KIAA0825: variants seen among roughly 807,000 people sequenced by gnomAD.
KIAA0825 encodes the protein uncharacterized protein KIAA0825.
A neutral mutation model predicts 147.6 loss-of-function variants in KIAA0825; 119 were observed. That is an observed-to-expected ratio of 0.81 (90% confidence interval 0.69 to 0.94). The LOEUF (loss-of-function observed/expected upper bound fraction) is 0.94, where lower values mean the gene tolerates loss of function less well. KIAA0825 is among the 40% of genes least tolerant of loss of function. The pLI is 0.00. For missense variants in KIAA0825, 1,381 were observed against 1,472.7 expected, an observed-to-expected ratio of 0.94 and a Z score of 1.02; for synonymous variants, 470 against 518.1, an observed-to-expected ratio of 0.91 and a Z score of 1.26.
chr5:94,422,197 C>T (rs1481187663), intron 14 of KIAA0825, among the ~76,000 whole-genome samples: 2 of 152,154 alleles, frequency 1.3e-5, no homozygotes, highest in Non-Finnish European at 2.9e-5. Flanking sequence ...TGAAGCAGGC[C>T]TTCACGGAAT....
intron 2 of KIAA0825, among the ~76,000 whole-genome samples, chr5:94,544,410 C>G (rs1476171108): frequency 6.6e-6 from 1 of 152,222 alleles, no homozygotes; most frequent in Non-Finnish European, 1.5e-5. Context: ...GATGACTACC[C>G]TGTAGCCTAC....
At chr5:94,274,005 C>G (rs1777105186) in intron 20 of KIAA0825, among the ~76,000 whole-genome samples, 1 of 151,900 alleles carries the variant, frequency 6.6e-6, no homozygotes, top group African/African-American at 2.4e-5. Context: ...AAAATATGTG[C>G]CAGAAAGAAC....
In KIAA0825 at chr5:94,394,611, C is replaced by A. The variant is rs1028803628; in HGVS notation, c.3296+1490G>T. 9.2e-5 allele frequency among the ~76,000 whole-genome samples: 14 copies of A among 152,046 alleles called. No individual in the cohort carries two copies. In the East Asian group the frequency reaches 2.5e-3, roughly 27 times the overall value. ...TTACCTAGACATTGCTTTAAATGGA[C>A]CTTATTTGATATAGGGGCTACTAAA... On this transcript the variant is annotated intron_variant, in intron 17 of 20. Transcript: ENST00000682413.
chr5:94,184,264 G>A (rs1183670568), intron 20 of KIAA0825, among the ~76,000 whole-genome samples: 2 of 152,092 alleles, frequency 1.3e-5, no homozygotes, highest in African/African-American at 2.4e-5. Context: ...ACTATCAGGT[G>A]CTATATTTTC....
intron 12 of KIAA0825, among the ~76,000 whole-genome samples, chr5:94,454,314 A>C (rs761963519): frequency 9.2e-5 from 14 of 152,150 alleles, no homozygotes; most frequent in Non-Finnish European, 2.1e-4. Flanking sequence ...TCCAGAACAG[A>C]TTTCCATTTT....
intron 6 of KIAA0825, among the ~76,000 whole-genome samples, chr5:94,479,606 T>TA (rs1452029197): frequency 6.6e-6 from 1 of 152,122 alleles, no homozygotes. Flanking sequence ...CTCATTTGGA[T>TA]AAATACCTAC....
At chr5:94,572,823 T>C (rs997179302) in intron 2 of KIAA0825, among the ~76,000 whole-genome samples, 3 of 152,150 alleles carry the variant, frequency 2.0e-5, no homozygotes, top group Admixed American at 6.5e-5. Context: ...TTGATTTTTG[T>C]TTGATATGAT....
Position 94,555,733 on chromosome 5 carries a change from C to T in KIAA0825, c.-1-18606G>A, listed in dbSNP as rs143412509. 5.8e-4 allele frequency among the ~76,000 whole-genome samples: 88 copies of T among 152,122 alleles called. 3 individuals are homozygous for T. In the East Asian group the frequency reaches 0.015, roughly 26 times the overall value. ...ACTTTATAATTTTCAATATGCAATCCTAGCCATCTCTTGCTTTAATGGAAG... is the reference window on the plus strand; with the variant it reads ...ACTTTATAATTTTCAATATGCAATCTTAGCCATCTCTTGCTTTAATGGAAG... On this transcript the variant is annotated intron_variant, in intron 2 of 20. Coordinates refer to ENST00000682413, the MANE Select transcript of KIAA0825 (RefSeq NM_001145678.3).
intron 12 of KIAA0825, among the ~76,000 whole-genome samples, chr5:94,455,195 C>T (rs557848861): frequency 4.2e-4 from 64 of 151,612 alleles, no homozygotes; most frequent in Admixed American, 3.7e-3. Context: ...CCCAACCCCC[C>T]GCCAAAAAAA....
intron 20 of KIAA0825, among the ~76,000 whole-genome samples, chr5:94,180,304 T>C (rs901829683): frequency 2.0e-5 from 3 of 152,028 alleles, no homozygotes; most frequent in Admixed American, 6.6e-5. Context: ...AGGCACATTC[T>C]ACAAAATAAT....
At chr5:94,255,108 A>G (rs1267966060) in intron 20 of KIAA0825, among the ~76,000 whole-genome samples, 2 of 151,088 alleles carry the variant, frequency 1.3e-5, no homozygotes, top group Non-Finnish European at 2.9e-5. Flanking sequence ...CATGTCTTAT[A>G]TCTCTTTGAA....
chr5:94,513,199 T>C (rs1766751853), intron 5 of KIAA0825, among the ~76,000 whole-genome samples: 4 of 152,154 alleles, frequency 2.6e-5, no homozygotes, highest in Non-Finnish European at 5.9e-5. Context: ...TATTTTTAAA[T>C]AGATAATTTA....
At chr5:94,237,353 T>C (rs567318157) in intron 20 of KIAA0825, among the ~76,000 whole-genome samples, 1 of 152,226 alleles carries the variant, frequency 6.6e-6, no homozygotes, top group East Asian at 1.9e-4. Flanking sequence ...GTAGATGTCA[T>C]CTACATCATC....
chr5:94,305,490 C>T (rs1214993404), intron 20 of KIAA0825, among the ~76,000 whole-genome samples: 2 of 151,908 alleles, frequency 1.3e-5, no homozygotes, highest in South Asian at 2.1e-4. Flanking sequence ...TAGGGTTTCA[C>T]GATGTAAAAT....
intron 5 of KIAA0825, among the ~76,000 whole-genome samples, chr5:94,488,059 G>A (rs1763269755): frequency 6.6e-6 from 1 of 152,194 alleles, no homozygotes; most frequent in Non-Finnish European, 1.5e-5. Context: ...GAGTAGCTGG[G>A]ATTACAGGCA....
rs1772172569 is a variant in KIAA0825 at position 94,537,037 on chromosome 5, G to A, written c.90C>T (p.Ile30=). The stretch of plus-strand genomic sequence containing the variant: ...CAATCTTTTCATCAATGTCACTGAA[G>A]ATCTGCTCAAACTCCAAGTCTCCAG... The part of the protein sequence containing the change: ...SFPGDLEFEQ[I]FSDIDEKIEQ... Residue 30 remains isoleucine (I), a synonymous_variant, in exon 3 of 21, where the codon ATC becomes ATT. Transcript: ENST00000682413. The A allele has an allele frequency of 6.2e-7, 1 of 1,606,458 alleles. No individual in the cohort carries two copies. Among genetic ancestry groups the A allele is most frequent in the Non-Finnish European group, 8.5e-7 (1 of 1,173,844 alleles).
intron 20 of KIAA0825, among the ~76,000 whole-genome samples, chr5:94,318,084 G>C (rs1400951360): frequency 6.6e-6 from 1 of 151,490 alleles, no homozygotes; most frequent in African/African-American, 2.4e-5. Context: ...AAAAAGATTA[G>C]AGAGAGAATT....
intron 20 of KIAA0825, among the ~76,000 whole-genome samples, chr5:94,352,657 A>G (rs1219220067): frequency 6.6e-6 from 1 of 152,244 alleles, no homozygotes; most frequent in Non-Finnish European, 1.5e-5. Flanking sequence ...TTGCAAAATC[A>G]TGGAGCCAAC....
At chr5:94,507,898 A>C (rs1225862744) in intron 5 of KIAA0825, among the ~76,000 whole-genome samples, 1 of 152,200 alleles carries the variant, frequency 6.6e-6, no homozygotes, top group Non-Finnish European at 1.5e-5. Context: ...TGCATCCATA[A>C]ATCCCACTAG....
Sources: gnomAD v4.1 joint callset for allele counts (sites outside exome capture counted in the v4.1 genomes callset) on GRCh38, gnomAD v4.1.1 for gene constraint, MANE v1.5 for transcripts, NCBI Gene and HGNC (gene_info 2026-07-23, HGNC 2026-07-21) for gene names.